PDE1A: variants seen among roughly 807,000 people sequenced by gnomAD.
The protein encoded by PDE1A is phosphodiesterase 1A, also known as dual specificity calcium/calmodulin-dependent 3',5'-cyclic nucleotide phosphodiesterase 1A.
A neutral mutation model predicts 61.7 loss-of-function variants in PDE1A; 35 were observed. That is an observed-to-expected ratio of 0.57 (90% CI 0.43 to 0.75). The LOEUF (loss-of-function observed/expected upper bound fraction) is 0.75, where lower values mean the gene tolerates loss of function less well. PDE1A is among the 30% of genes least tolerant of loss of function. PDE1A has a pLI of 0.00. For synonymous variants in PDE1A, 232 were observed against 213.2 expected (o/e 1.09, Z -0.77); for missense variants, 597 against 630.6 (o/e 0.95, Z 0.57).
At chr2:182,338,379 T>C (rs1302245862) in intron 1 of PDE1A, among the ~76,000 whole-genome samples, 2 of 145,896 alleles carry the variant, frequency 1.4e-5, no homozygotes, top group Non-Finnish European at 3.1e-5. Context: ...ACTTTCTTGA[T>C]CTAACATGAG....
At chr2:182,151,848 C>T (rs7591292) in intron 13 of PDE1A, among the ~76,000 whole-genome samples, 63,671 of 151,922 alleles carry the variant, frequency 0.42, 13,940 homozygotes, top group East Asian at 0.6. Context: ...TCTAGCCCAA[C>T]AATCCCTGCA....
chr2:182,577,667 A>T, the PDE1A span, among the ~76,000 whole-genome samples: 1 of 152,204 alleles, frequency 6.6e-6, no homozygotes, highest in Admixed American at 6.5e-5. Context: ...CATTCATAAA[A>T]TTGCACTTAC....
At chr2:182,422,027 C>T (rs542226709) in intron 1 of PDE1A, among the ~76,000 whole-genome samples, 178 of 152,196 alleles carry the variant, frequency 1.2e-3, no homozygotes, top group African/African-American at 4.2e-3. Context: ...TCTGAGAAGA[C>T]GTAAAGAGAA....
At chr2:182,668,800 A>G in the PDE1A span, among the ~76,000 whole-genome samples, 155 of 152,248 alleles carry the variant, frequency 1.0e-3, no homozygotes, top group African/African-American at 3.6e-3. Context: ...TCTGCCTGCA[A>G]GGTGGTTAGC....
intron 2 of PDE1A, among the ~76,000 whole-genome samples, chr2:182,509,497 T>C (rs531478693): frequency 5.3e-5 from 8 of 152,330 alleles, no homozygotes; most frequent in Middle Eastern, 3.4e-3. Flanking sequence ...GCGTATTAAG[T>C]AGAATTATCT....
At chr2:182,149,185 A>G (rs1690647127) in intron 13 of PDE1A, among the ~76,000 whole-genome samples, 1 of 152,206 alleles carries the variant, frequency 6.6e-6, no homozygotes, top group Admixed American at 6.5e-5. Context: ...AATAGAAGTA[A>G]TTAACTAATT....
the PDE1A span, among the ~76,000 whole-genome samples, chr2:182,552,786 G>A: frequency 6.6e-6 from 1 of 152,144 alleles, no homozygotes; most frequent in African/African-American, 2.4e-5. Context: ...TACCCCCTTT[G>A]GACCCCCTCC....
intron 2 of PDE1A, among the ~76,000 whole-genome samples, chr2:182,492,902 A>T (rs977218848): frequency 3.3e-5 from 5 of 152,216 alleles, no homozygotes; most frequent in African/African-American, 1.2e-4. Flanking sequence ...TGCTATGCAC[A>T]TACTAAAACG....
At chr2:182,422,412 A>C (rs949596757) in intron 1 of PDE1A, among the ~76,000 whole-genome samples, 2 of 152,242 alleles carry the variant, frequency 1.3e-5, no homozygotes, top group African/African-American at 4.8e-5. Flanking sequence ...TTGATAAAAC[A>C]AAATATCAAG....
At chr2:182,497,191 G>C (rs1034958848) in intron 2 of PDE1A, among the ~76,000 whole-genome samples, 1 of 152,134 alleles carries the variant, frequency 6.6e-6, no homozygotes, top group African/African-American at 2.4e-5. Flanking sequence ...AACAAAACAT[G>C]TTATAAATCC....
intron 1 of PDE1A, among the ~76,000 whole-genome samples, chr2:182,304,247 T>C (rs1695436051): frequency 6.6e-6 from 1 of 152,186 alleles, no homozygotes; most frequent in Non-Finnish European, 1.5e-5. Context: ...CTTCTGCAGC[T>C]TTCTCACCTC....
the PDE1A span, among the ~76,000 whole-genome samples, chr2:182,554,832 T>C: frequency 6.6e-6 from 1 of 152,096 alleles, no homozygotes; most frequent in African/African-American, 2.4e-5. Flanking sequence ...AAAAATATGG[T>C]TTCATAATAT....
At chr2:182,581,357 CT>C in the PDE1A span, among the ~76,000 whole-genome samples, 2 of 152,128 alleles carry the variant, frequency 1.3e-5, no homozygotes, top group Non-Finnish European at 2.9e-5. Context: ...GAGACTCTCT[CT>C]TGCCAAAGAA....
At chr2:182,361,045 G>A (rs1354355120) in intron 1 of PDE1A, among the ~76,000 whole-genome samples, 1 of 152,044 alleles carries the variant, frequency 6.6e-6, no homozygotes, top group Non-Finnish European at 1.5e-5. Context: ...TTGAGTAAAT[G>A]AGACAGACAC....
intron 1 of PDE1A, among the ~76,000 whole-genome samples, chr2:182,326,986 C>A (rs770664301): frequency 3.3e-5 from 5 of 152,178 alleles, no homozygotes; most frequent in Non-Finnish European, 5.9e-5. Flanking sequence ...TTTGAGTAAA[C>A]ATTATCTCAA....
chr2:182,369,040 G>C (rs1699989795), intron 1 of PDE1A, among the ~76,000 whole-genome samples: 1 of 152,076 alleles, frequency 6.6e-6, no homozygotes. Flanking sequence ...TAGTCACTAA[G>C]TATTTTTTAA....
At chr2:182,383,321 C>T (rs1700839561) in intron 1 of PDE1A, among the ~76,000 whole-genome samples, 2 of 152,030 alleles carry the variant, frequency 1.3e-5, no homozygotes, top group Non-Finnish European at 1.5e-5. Flanking sequence ...TTTGCTTTTC[C>T]ATTTTATATA....
At chr2:182,170,426 T>C (rs983115214) in intron 13 of PDE1A, among the ~76,000 whole-genome samples, 11 of 152,110 alleles carry the variant, frequency 7.2e-5, no homozygotes, top group Admixed American at 7.2e-4. Context: ...GCTCATTGGA[T>C]AAATTGTGCT....
At chr2:182,500,325 T>C (rs1384772064) in intron 2 of PDE1A, among the ~76,000 whole-genome samples, 1 of 152,112 alleles carries the variant, frequency 6.6e-6, no homozygotes, top group Admixed American at 6.5e-5. Flanking sequence ...GGAGGGTCAG[T>C]CAGGAGGGGG....
Sources: gnomAD v4.1 joint callset for allele counts (sites outside exome capture counted in the v4.1 genomes callset) on GRCh38, gnomAD v4.1.1 for gene constraint, MANE v1.5 for transcripts, NCBI Gene and HGNC (gene_info 2026-07-23, HGNC 2026-07-21) for gene names.